The following DCTN5 variants were observed in gnomAD, a reference collection of about 807,000 sequenced individuals.
DCTN5 encodes the protein dynactin subunit 5.
In DCTN5, 14 loss-of-function variants were observed where a neutral mutation model predicts 23.5. That is an observed-to-expected ratio of 0.60 (90% CI 0.39 to 0.93). The LOEUF (loss-of-function observed/expected upper bound fraction) is 0.93, where lower values mean the gene tolerates loss of function less well. Ranked by LOEUF, DCTN5 falls within the 40% of genes least tolerant of loss-of-function variation. The pLI is 0.00. For synonymous variants in DCTN5, 67 were observed against 79.6 expected, an observed-to-expected ratio of 0.84 and a Z score of 0.84; for missense variants, 156 against 225.9, an observed-to-expected ratio of 0.69 and a Z score of 1.98.
chr16:23,658,713 T>A, intron 3 of DCTN5, 88 bp downstream of exon 3: 1 of 991,814 alleles, frequency 1.0e-6, no homozygotes, highest in Non-Finnish European at 1.6e-6. Context: ...GTATAATGAC[T>A]AGGTCTGTCC....
intron 5 of DCTN5, 76 bp downstream of exon 5, chr16:23,665,804 T>G: frequency 8.3e-7 from 1 of 1,198,394 alleles, no homozygotes; most frequent in Non-Finnish European, 1.2e-6. Context: ...AAGTAATGCT[T>G]ACGATTCCTA....
Position 23,667,059 on chromosome 16 carries a change from G to T in DCTN5, c.464G>T (p.Gly155Val). Residue 155 changes from glycine (G) to valine (V), a missense_variant, in exon 6 of 6, where the codon GGG (glycine) becomes GTG (valine). Transcript: ENST00000300087. ...VFSGCPGLFS[G>V]ELPECTQELM... is the part of the protein sequence containing the mutation. ...TTTCTTTCCCCAGGACTCTTCTCAG[G>T]GGAGCTCCCGGAGTGCACTCAGGAG... is the stretch of plus-strand genomic sequence containing the variant. 1 of 1,613,738 alleles carries T rather than the reference G, an allele frequency of 6.2e-7. No homozygotes were observed. Among genetic ancestry groups the T allele is most frequent in the Non-Finnish European group, 8.5e-7 (1 of 1,180,016 alleles).
chr16:23,650,736 T>G, intron 2 of DCTN5: 1 of 1,533,230 alleles, frequency 6.5e-7, no homozygotes, highest in Non-Finnish European at 8.7e-7. Flanking sequence ...CCATTTATAT[T>G]TCTATCCCTT....
chr16:23,658,211 A>T (rs1967746121), intron 2 of DCTN5, among the ~76,000 whole-genome samples: 1 of 152,212 alleles, frequency 6.6e-6, no homozygotes, highest in Non-Finnish European at 1.5e-5. Context: ...AAATCTAAAG[A>T]GACATATAAG....
chr16:23,661,138 CT>C (rs1327338929), intron 3 of DCTN5, 31 bp from the exon 4 acceptor site: 1 of 1,505,210 alleles, frequency 6.6e-7, no homozygotes, highest in Non-Finnish European at 9.2e-7. Flanking sequence ...TCATCTTGAC[CT>C]TTCTGTGTTC....
chr16:23,647,254 T>G (rs1441549993), intron 2 of DCTN5, among the ~76,000 whole-genome samples: 2 of 151,868 alleles, frequency 1.3e-5, no homozygotes, highest in Non-Finnish European at 2.9e-5. Context: ...TGCCTCAGCA[T>G]CCTGAATAGC....
Position 23,641,516 on chromosome 16 carries a change from C to T in DCTN5, c.-27C>T. 1 of 1,613,936 alleles carries T rather than the reference C, an allele frequency of 6.2e-7. No homozygotes were observed. The highest frequency in any genetic ancestry group is 8.5e-7 in the Non-Finnish European group (1 of 1,179,902). ...CTGACCGACTGACTCTGACAGGATC[C>T]GGGGCTGAGGGAAGGAGGCGGCGGC... On this transcript the variant is annotated 5_prime_UTR_variant, in exon 1 of 6. Coordinates refer to ENST00000300087, the MANE Select transcript of DCTN5 (RefSeq NM_032486.4).
intron 2 of DCTN5, among the ~76,000 whole-genome samples, chr16:23,652,581 A>G (rs566529776): frequency 5.9e-5 from 9 of 152,318 alleles, no homozygotes; most frequent in African/African-American, 1.7e-4. Context: ...GGGTACATCT[A>G]TGCAACCACT....
chr16:23,657,536 G>C (rs555114069), intron 2 of DCTN5: 1 of 404,470 alleles, frequency 2.5e-6, no homozygotes, highest in Admixed American at 2.8e-5. Flanking sequence ...CGCCTCCCAG[G>C]TTCAAGCGAT....
At position 23,645,104 on chromosome 16, in the gene DCTN5, TA is replaced by T. The variant is rs1329800360; in HGVS notation, c.117+2082del. Among the ~76,000 whole-genome samples the T allele has an allele frequency of 6.1e-3, 182 of 30,024 alleles. 10 individuals are homozygous for T. The highest frequency in any genetic ancestry group is 0.017 in the South Asian group (17 of 986). The allele number at this position is 30,024 out of a possible 152,430, so 19.7% of individuals were successfully genotyped here. On this transcript the variant is annotated intron_variant, in intron 2 of 5. Coordinates refer to ENST00000300087, the MANE Select transcript of DCTN5 (RefSeq NM_032486.4). Reference sequence around the variant, plus strand: ...CTAACTATATATATATATATATATATATATATATATATATATATATATATAT... The same window carrying T: ...CTAACTATATATATATATATATATATTATATATATATATATATATATATAT...
chr16:23,644,441 C>G (rs901312186), intron 2 of DCTN5, among the ~76,000 whole-genome samples: 2 of 151,874 alleles, frequency 1.3e-5, no homozygotes, highest in Non-Finnish European at 2.9e-5. Context: ...GCTAGGACTA[C>G]AGGCACCCAC....
At chr16:23,645,236 G>A (rs1056724758) in intron 2 of DCTN5, among the ~76,000 whole-genome samples, 3 of 148,478 alleles carry the variant, frequency 2.0e-5, no homozygotes, top group Non-Finnish European at 4.5e-5. Context: ...CCAGGTTCAA[G>A]TGATTCTCCT....
At chr16:23,651,325 C>T (rs550878300) in intron 2 of DCTN5, among the ~76,000 whole-genome samples, 1 of 152,328 alleles carries the variant, frequency 6.6e-6, no homozygotes, top group African/African-American at 2.4e-5. Flanking sequence ...TGTTTTGAAT[C>T]TGACTTCTCT....
At chr16:23,647,174 C>T (rs1967484573) in intron 2 of DCTN5, among the ~76,000 whole-genome samples, 2 of 145,012 alleles carry the variant, frequency 1.4e-5, no homozygotes, top group South Asian at 4.3e-4. Context: ...ACTCTGTCAC[C>T]CAGGCTGGAG....
Position 23,667,478 on chromosome 16 carries a change from AC to A in DCTN5, c.*336del, listed in dbSNP as rs1336536017. 7.2e-6 allele frequency: 2 copies of A among 278,100 alleles called. No individual in the cohort carries two copies. Among genetic ancestry groups the A allele is most frequent in the African/African-American group, 4.3e-5 (2 of 46,632 alleles). 17.2% of individuals were successfully genotyped at this position (278,100 alleles called of 1,614,324 possible). ...GATGGCTGGATCCCGCCTGAAACGGACCTGCAGAGCAGCAGCACCCTTCCGG... is the reference window on the plus strand; with the variant it reads ...GATGGCTGGATCCCGCCTGAAACGGACTGCAGAGCAGCAGCACCCTTCCGG... On this transcript the variant is annotated 3_prime_UTR_variant, in exon 6 of 6. Transcript: ENST00000300087.
At position 23,671,680 on chromosome 16, in the gene DCTN5, C is replaced by T. The variant is rs1450549674; in HGVS notation, c.*4536C>T. On this transcript the variant is annotated 3_prime_UTR_variant, in exon 6 of 6. Transcript: ENST00000300087. ...TTATGCAGCTCCTCCACTATCTTGGCCTCCAAGGCAGCTGGCTTTGAACAC... is the reference window on the plus strand; with the variant it reads ...TTATGCAGCTCCTCCACTATCTTGGTCTCCAAGGCAGCTGGCTTTGAACAC... The T allele has an allele frequency of 6.6e-6, 1 of 152,260 alleles. No homozygotes were observed. Among genetic ancestry groups the T allele is most frequent in the East Asian group, 1.9e-4 (1 of 5,208 alleles). The allele number at this position is 152,260 out of a possible 1,614,324, so 9.4% of individuals were successfully genotyped here. A position where few individuals can be genotyped will look rare whatever the true frequency, so the allele number is the denominator to read the frequency against.
rs1968001830 is a variant in DCTN5 at position 23,671,271 on chromosome 16, G to C, written c.*4127G>C. The C allele has an allele frequency of 1.3e-5, 2 of 150,938 alleles. No homozygotes were observed. Among genetic ancestry groups the C allele is most frequent in the Admixed American group, 1.3e-4 (2 of 15,132 alleles). 9.3% of individuals were successfully genotyped at this position (150,938 alleles called of 1,614,324 possible). A position where few individuals can be genotyped will look rare whatever the true frequency, so the allele number is the denominator to read the frequency against. The stretch of plus-strand genomic sequence containing the variant: ...TTTATACATGTAAAGCATAAGTACT[G>C]GCTCAGGGTGAGCACTCAATAAACG... On this transcript the variant is annotated 3_prime_UTR_variant, in exon 6 of 6. Coordinates refer to ENST00000300087, the MANE Select transcript of DCTN5 (RefSeq NM_032486.4).
At position 23,668,445 on chromosome 16, in the gene DCTN5, T is replaced by C. The variant is rs967443807; in HGVS notation, c.*1301T>C. On this transcript the variant is annotated 3_prime_UTR_variant, in exon 6 of 6. Transcript: ENST00000300087. ...TACATAGCTTCGACAAGATGGAAGT[T>C]TATTTCTCTCTCCCATAACAGTGCA... 8 of 152,226 alleles carry C rather than the reference T, an allele frequency of 5.3e-5. No homozygotes were observed. Among genetic ancestry groups the C allele is most frequent in the African/African-American group, 1.9e-4 (8 of 41,446 alleles). 9.4% of individuals were successfully genotyped at this position (152,226 alleles called of 1,614,324 possible).
chr16:23,652,990 A>C (rs1237950767), intron 2 of DCTN5, among the ~76,000 whole-genome samples: 2 of 152,088 alleles, frequency 1.3e-5, no homozygotes, highest in Non-Finnish European at 2.9e-5. Flanking sequence ...CAAATAAAAA[A>C]AATTAGCTGG....
Sources: gnomAD v4.1 joint callset for allele counts (sites outside exome capture counted in the v4.1 genomes callset) on GRCh38, gnomAD v4.1.1 for gene constraint, MANE v1.5 for transcripts, NCBI Gene and HGNC (gene_info 2026-07-23, HGNC 2026-07-21) for gene names.